KRABD5: variants seen among roughly 807,000 people sequenced by gnomAD.
KRABD5 encodes the protein KRAB domain-containing protein 5.
At chr16:31,720,648 C>T in the KRABD5 span, among the ~76,000 whole-genome samples, 4 of 152,282 alleles carry the variant, frequency 2.6e-5, no homozygotes, top group African/African-American at 7.2e-5. Flanking sequence ...TCCATCAGTG[C>T]GTGAGCATTG....
At chr16:31,748,365 C>A in the KRABD5 span, among the ~76,000 whole-genome samples, 1 of 152,172 alleles carries the variant, frequency 6.6e-6, no homozygotes, top group Admixed American at 6.5e-5. Flanking sequence ...TGTTTGGTAC[C>A]AGAACCATGC....
chr16:31,732,271 G>T, the KRABD5 span, among the ~76,000 whole-genome samples: 6 of 152,206 alleles, frequency 3.9e-5, no homozygotes, highest in African/African-American at 1.4e-4. Flanking sequence ...TGGCATGGCT[G>T]CCACATTATG....
the KRABD5 span, among the ~76,000 whole-genome samples, chr16:31,719,534 T>C: frequency 6.6e-6 from 1 of 152,286 alleles, no homozygotes; most frequent in Non-Finnish European, 1.5e-5. Context: ...ATCAGCAACA[T>C]AGAGATGGGA....
the KRABD5 span, chr16:31,754,379 C>T: frequency 1.6e-6 from 1 of 612,684 alleles, no homozygotes. Flanking sequence ...GGGAAAATAT[C>T]ACACACATAA....
At chr16:31,717,590 A>G in the KRABD5 span, among the ~76,000 whole-genome samples, 1 of 152,200 alleles carries the variant, frequency 6.6e-6, no homozygotes, top group Non-Finnish European at 1.5e-5. Context: ...TTGAGGACTA[A>G]TTATGGTGAC....
chr16:31,719,938 G>A, the KRABD5 span, among the ~76,000 whole-genome samples: 37 of 152,180 alleles, frequency 2.4e-4, no homozygotes, highest in Non-Finnish European at 3.1e-4. Flanking sequence ...CTTCTTTTCC[G>A]TATCTCTCCC....
the KRABD5 span, among the ~76,000 whole-genome samples, chr16:31,714,719 G>A: frequency 1.3e-5 from 2 of 152,334 alleles, no homozygotes; most frequent in Non-Finnish European, 2.9e-5. Flanking sequence ...TGTCCCTGAG[G>A]TTCACAGCAG....
the KRABD5 span, chr16:31,722,615 T>G: frequency 6.2e-7 from 1 of 1,612,650 alleles, no homozygotes; most frequent in African/African-American, 1.3e-5. Flanking sequence ...TGCTATTTAT[T>G]TTTATTTCAG....
At chr16:31,734,595 T>C in the KRABD5 span, among the ~76,000 whole-genome samples, 1 of 152,140 alleles carries the variant, frequency 6.6e-6, no homozygotes, top group African/African-American at 2.4e-5. Flanking sequence ...CTATTAACCA[T>C]TGTTACTGTA....
At chr16:31,735,925 C>A in the KRABD5 span, among the ~76,000 whole-genome samples, 1 of 152,182 alleles carries the variant, frequency 6.6e-6, no homozygotes, top group Non-Finnish European at 1.5e-5. Context: ...GATGTAATCT[C>A]ATTTGCCTAT....
At chr16:31,755,177 A>C in the KRABD5 span, 5 of 477,806 alleles carry the variant, frequency 1.0e-5, no homozygotes, top group Non-Finnish European at 2.1e-5. Context: ...GTCGTACCTA[A>C]CTAAACATCA....
At chr16:31,759,535 T>C in the KRABD5 span, 1 of 1,001,598 alleles carries the variant, frequency 1.0e-6, no homozygotes, top group Non-Finnish European at 1.5e-6. Flanking sequence ...GCAATGTATG[T>C]ACATCTTCAC....
At chr16:31,749,766 T>G in the KRABD5 span, among the ~76,000 whole-genome samples, 3 of 152,182 alleles carry the variant, frequency 2.0e-5, no homozygotes, top group Admixed American at 6.5e-5. Flanking sequence ...CATGCCAGCC[T>G]CCTAGTCAGT....
the KRABD5 span, chr16:31,757,938 G>A: frequency 1.3e-5 from 2 of 152,066 alleles, no homozygotes; most frequent in Non-Finnish European, 2.9e-5. Flanking sequence ...TGGATGGATG[G>A]ATGGATAGTT....
chr16:31,748,648 T>G, the KRABD5 span, among the ~76,000 whole-genome samples: 1 of 152,232 alleles, frequency 6.6e-6, no homozygotes, highest in Non-Finnish European at 1.5e-5. Context: ...GGAGAGATCT[T>G]GCAATCATTT....
chr16:31,753,125 C>G, the KRABD5 span, among the ~76,000 whole-genome samples: 1 of 152,144 alleles, frequency 6.6e-6, no homozygotes, highest in African/African-American at 2.4e-5. Flanking sequence ...ATCAGGTACT[C>G]TAGTCATTCT....
chr16:31,732,515 G>T, the KRABD5 span, among the ~76,000 whole-genome samples: 1 of 152,122 alleles, frequency 6.6e-6, no homozygotes, highest in Admixed American at 6.5e-5. Flanking sequence ...AAGCAAAAAA[G>T]AATTGTTAAG....
the KRABD5 span, among the ~76,000 whole-genome samples, chr16:31,717,545 C>T: frequency 2.0e-5 from 3 of 152,152 alleles, no homozygotes; most frequent in African/African-American, 7.2e-5. Flanking sequence ...TTAGGATGAA[C>T]TCTTATCTGA....
At chr16:31,751,750 T>C in the KRABD5 span, among the ~76,000 whole-genome samples, 2 of 152,212 alleles carry the variant, frequency 1.3e-5, no homozygotes, top group African/African-American at 4.8e-5. Context: ...GTATGGAATT[T>C]GGGGTCTCAA....
Sources: gnomAD v4.1 joint callset for allele counts (sites outside exome capture counted in the v4.1 genomes callset) on GRCh38, gnomAD v4.1.1 for gene constraint, MANE v1.5 for transcripts, NCBI Gene and HGNC (gene_info 2026-07-23, HGNC 2026-07-21) for gene names.